Variants in ZFR2 observed in about 807,000 individuals in gnomAD.
ZFR2 encodes zinc finger RNA binding protein 2.
Under a neutral mutation model 105.7 loss-of-function variants are expected in ZFR2, and 104 were observed. The observed-to-expected ratio is 0.98, with a 90% confidence interval of 0.84 to 1.16. The LOEUF is 1.16. Among genes scored for constraint, ZFR2 ranks in the 50% most tolerant of loss-of-function variants. The pLI, the probability that ZFR2 is intolerant of heterozygous loss-of-function variation, is 0.00. For synonymous variants in ZFR2, 634 were observed against 597.7 expected (o/e 1.06, Z -0.89); for missense variants, 1,425 against 1,355.5 (o/e 1.05, Z -0.80).
Position 3,858,880 on chromosome 19 carries a change from C to T in ZFR2, c.53+10085G>A, listed in dbSNP as rs574590522. ...TTTCTTCCCGAACACAGCTCATCAC[C>T]TATTTCTCTATCACCCCCATGGCAG... On this transcript the variant is annotated intron_variant, in intron 1 of 18. Transcript: ENST00000262961. This position sits in a 1 kb window ranked among gnomAD's most constrained non-coding sequence, Gnocchi z 4.3. 1.9e-4 allele frequency among the ~76,000 whole-genome samples: 29 copies of T among 152,286 alleles called. No homozygotes were observed. Among genetic ancestry groups the T allele is most frequent in the African/African-American group, 6.7e-4 (28 of 41,566 alleles).
At chr19:3,827,048 C>T (rs1181809745) in intron 6 of ZFR2, among the ~76,000 whole-genome samples, 1 of 152,018 alleles carries the variant, frequency 6.6e-6, no homozygotes, top group Non-Finnish European at 1.5e-5. Flanking sequence ...TCGAGACCAG[C>T]CTGGCCAACA....
chr19:3,844,012 G>T (rs1232338412), intron 1 of ZFR2, among the ~76,000 whole-genome samples: 3 of 106,080 alleles, frequency 2.8e-5, no homozygotes, highest in South Asian at 3.4e-4. Context: ...AAAGTAGGAT[G>T]TGGGGGGGGG....
intron 1 of ZFR2, among the ~76,000 whole-genome samples, chr19:3,862,871 G>A (rs905864131): frequency 2.0e-5 from 3 of 152,186 alleles, no homozygotes; most frequent in Non-Finnish European, 4.4e-5. Flanking sequence ...TTCCCCCCTC[G>A]CTCCTCCAGG....
intron 1 of ZFR2, among the ~76,000 whole-genome samples, chr19:3,861,951 G>A (rs373773990): frequency 6.6e-6 from 1 of 151,950 alleles, no homozygotes. Context: ...AAAATACAAA[G>A]ACAATGAACA....
chr19:3,818,567 C>T (rs62132976), intron 12 of ZFR2, among the ~76,000 whole-genome samples: 22,109 of 152,206 alleles, frequency 0.15, 1,998 homozygotes, highest in East Asian at 0.28. Context: ...GAGTTATCTC[C>T]ATGGCAATTA....
intron 1 of ZFR2, among the ~76,000 whole-genome samples, chr19:3,841,981 T>A (rs905775187): frequency 2.0e-5 from 3 of 151,876 alleles, no homozygotes; most frequent in Non-Finnish European, 2.9e-5. Context: ...AACTTGTAGG[T>A]CTGATGTGTC....
At chr19:3,818,925 C>T (rs1469260231) in intron 12 of ZFR2, 120 bp downstream of exon 12, 6 of 1,292,582 alleles carry the variant, frequency 4.6e-6, no homozygotes, top group Admixed American at 2.8e-5. Flanking sequence ...GGAAAGCTGC[C>T]GCGGGCCACC....
At chr19:3,857,098 T>C (rs1318685011) in intron 1 of ZFR2, 1 of 140,364 alleles carries the variant, frequency 7.1e-6, no homozygotes, top group Non-Finnish European at 1.5e-5. Context: ...TTTTTTTTTT[T>C]TTTTTTTGAG....
In ZFR2 at chr19:3,812,126, T is replaced by A. The variant is rs187683770; in HGVS notation, c.2243-760A>T. On this transcript the variant is annotated intron_variant, in intron 14 of 18. Coordinates refer to ENST00000262961, the MANE Select transcript of ZFR2 (RefSeq NM_015174.2). The stretch of plus-strand genomic sequence containing the variant: ...GCCCAGCTAATTTTTATATTTTTAG[T>A]AGAGACAGCGTTTCACCGTGTTGGC... Among the ~76,000 whole-genome samples the A allele has an allele frequency of 6.6e-5, 10 of 152,222 alleles. No homozygotes were observed. In the East Asian group the frequency reaches 1.9e-3, roughly 29 times the overall value.
Position 3,813,750 on chromosome 19 carries a change from G to A in ZFR2, c.2242+70C>T. 1 of 1,588,448 alleles carries A rather than the reference G, an allele frequency of 6.3e-7. No homozygotes were observed. Among genetic ancestry groups the A allele is most frequent in the Non-Finnish European group, 8.6e-7 (1 of 1,165,180 alleles). ...AGGGCAGAGGCGGACGCTGCCCCAGGCCTGGGTGTGGGGAGCGCCCTGGGG... is the reference window on the plus strand; with the variant it reads ...AGGGCAGAGGCGGACGCTGCCCCAGACCTGGGTGTGGGGAGCGCCCTGGGG... On this transcript the variant is annotated intron_variant, in intron 14 of 18. Transcript: ENST00000262961. The surrounding 1 kb of genome is among the most constrained non-coding windows in gnomAD (Gnocchi z 4.4).
intron 11 of ZFR2, 68 bp downstream of exon 11, chr19:3,820,104 GGTCCTCCCGA>G (rs2037872764): frequency 1.9e-5 from 27 of 1,394,328 alleles, no homozygotes; most frequent in African/African-American, 2.9e-5. Flanking sequence ...GGGGAGGCCG[GGTCCTCCCGA>G]GGAGGTGTCC....
intron 6 of ZFR2, among the ~76,000 whole-genome samples, chr19:3,826,860 C>A (rs191995189): frequency 2.0e-5 from 3 of 152,254 alleles, no homozygotes; most frequent in African/African-American, 7.2e-5. Flanking sequence ...TCTGTCACCA[C>A]GCCCGAATGC....
chr19:3,808,125 G>A (rs969465433), intron 17 of ZFR2, among the ~76,000 whole-genome samples: 3 of 146,374 alleles, frequency 2.0e-5, no homozygotes, highest in Non-Finnish European at 4.5e-5. Flanking sequence ...CCATATGTGT[G>A]CCCGTGCGTA....
chr19:3,830,908 C>T (rs1235329516), intron 5 of ZFR2, among the ~76,000 whole-genome samples: 1 of 151,710 alleles, frequency 6.6e-6, no homozygotes. Context: ...CACACACACA[C>T]GGGCGCATGC....
At chr19:3,828,985 G>A (rs1177001311) in intron 5 of ZFR2, among the ~76,000 whole-genome samples, 6 of 147,614 alleles carry the variant, frequency 4.1e-5, no homozygotes, top group Non-Finnish European at 6.0e-5. Context: ...TTTTTAAGAC[G>A]GAGTCTTGCT....
chr19:3,866,432 AGGTAG>A (rs1349427835), intron 1 of ZFR2, among the ~76,000 whole-genome samples: 3 of 147,774 alleles, frequency 2.0e-5, no homozygotes, highest in African/African-American at 5.1e-5. Flanking sequence ...AGAACACAGA[AGGTAG>A]CTGTGCTAAA....
At chr19:3,815,527 C>T (rs894158212) in intron 13 of ZFR2, among the ~76,000 whole-genome samples, 3 of 152,202 alleles carry the variant, frequency 2.0e-5, no homozygotes, top group East Asian at 1.9e-4. Context: ...GCTTTTCTTA[C>T]GGCTTCCTAG....
At chr19:3,856,195 T>C (rs990212757) in intron 1 of ZFR2, among the ~76,000 whole-genome samples, 7 of 152,140 alleles carry the variant, frequency 4.6e-5, no homozygotes, top group African/African-American at 1.7e-4. Context: ...CCGGCGGCCC[T>C]GCCTGCCGCG....
chr19:3,865,275 A>G (rs181710583), intron 1 of ZFR2, among the ~76,000 whole-genome samples: 1 of 152,212 alleles, frequency 6.6e-6, no homozygotes, highest in Non-Finnish European at 1.5e-5. Flanking sequence ...CCAACAATTA[A>G]GCAGTTCAGA....
Sources: gnomAD v4.1 joint callset for allele counts (sites outside exome capture counted in the v4.1 genomes callset) on GRCh38, gnomAD v4.1.1 for gene constraint, Gnocchi (gnomAD v3.1) non-coding constraint, MANE v1.5 for transcripts, NCBI Gene and HGNC (gene_info 2026-07-23, HGNC 2026-07-21) for gene names.